Variants in USP34 observed in about 807,000 individuals in gnomAD.
The protein encoded by USP34 is ubiquitin specific peptidase 34, also known as ubiquitin carboxyl-terminal hydrolase 34.
A neutral mutation model predicts 460.3 loss-of-function variants in USP34; 70 were observed. The ratio of observed to expected loss-of-function variants is 0.15; its 90% CI spans 0.13 to 0.19. The LOEUF (loss-of-function observed/expected upper bound fraction) is 0.19, where lower values mean the gene tolerates loss of function less well. Ranked by LOEUF, USP34 falls within the 10% of genes least tolerant of loss-of-function variation. The pLI is 1.00. For synonymous variants in USP34, 1,647 were observed against 1,405.3 expected (o/e 1.17, Z -3.85); for missense variants, 3,985 against 4,236.2 (o/e 0.94, Z 1.65).
At chr2:61,209,690 TATC>T (rs1343751804) in intron 69 of USP34, among the ~76,000 whole-genome samples, 1 of 152,246 alleles carries the variant, frequency 6.6e-6, no homozygotes, top group Admixed American at 6.5e-5. Flanking sequence ...TTTACTATAT[TATC>T]ATTATTTTAC....
At chr2:61,383,377 T>TATTTCACATATTA in intron 5 of USP34, 41 bp from the exon 6 acceptor site, 8 of 1,411,442 alleles carry the variant, frequency 5.7e-6, no homozygotes, top group Non-Finnish European at 7.8e-6. Context: ...GCCTAATATG[T>TATTTCACATATTA]GAAATACATA....
intron 72 of USP34, 133 bp from the exon 73 acceptor site, chr2:61,204,734 G>T: frequency 1.5e-6 from 1 of 671,656 alleles, no homozygotes; most frequent in Non-Finnish European, 2.6e-6. Context: ...CCTGACACGA[G>T]TAGAAATTCT....
chr2:61,294,103 T>A (rs1453151150), intron 32 of USP34, among the ~76,000 whole-genome samples: 1 of 152,024 alleles, frequency 6.6e-6, no homozygotes, highest in Non-Finnish European at 1.5e-5. Flanking sequence ...CCCAGCACTT[T>A]GGGAGGCCGA....
At chr2:61,446,934 T>C (rs1326409235) in intron 1 of USP34, among the ~76,000 whole-genome samples, 5 of 152,102 alleles carry the variant, frequency 3.3e-5, no homozygotes, top group Admixed American at 2.6e-4. Flanking sequence ...CTTTCCAATG[T>C]TGACACATTT....
chr2:61,461,417 A>G (rs1695597397), intron 1 of USP34, among the ~76,000 whole-genome samples: 1 of 152,042 alleles, frequency 6.6e-6, no homozygotes, highest in African/African-American at 2.4e-5. Flanking sequence ...AAAAAACCCA[A>G]AACACTGAAA....
At chr2:61,353,165 T>C (rs1265017784) in intron 10 of USP34, among the ~76,000 whole-genome samples, 1 of 152,218 alleles carries the variant, frequency 6.6e-6, no homozygotes, top group African/African-American at 2.4e-5. Flanking sequence ...AAGGACCACG[T>C]CCCTGAACAT....
chr2:61,379,195 T>G (rs1377159444), intron 7 of USP34, among the ~76,000 whole-genome samples: 1 of 152,168 alleles, frequency 6.6e-6, no homozygotes, highest in Non-Finnish European at 1.5e-5. Context: ...ATTTTCAGTG[T>G]GACTACACTA....
intron 1 of USP34, among the ~76,000 whole-genome samples, chr2:61,461,317 T>C (rs1695593162): frequency 1.3e-5 from 2 of 151,276 alleles, no homozygotes; most frequent in Admixed American, 1.3e-4. Flanking sequence ...CACTTGAACC[T>C]GGGAGGCAGA....
In USP34 at chr2:61,301,076, G is replaced by C; in HGVS notation, c.4003C>G (p.Gln1335Glu). ...AAAAGCATTGGAATGTTGTCCTTCT[G>C]AGGGGGTGGGAGGCAAGATGCTGGC... ...QLPASCLPPP[Q>E]KDNIPMLLLL... The change falls in exon 29 of 80, where the codon CAG (glutamine) becomes GAG (glutamate). Residue 1335 changes from glutamine to glutamate, a missense_variant. Coordinates refer to ENST00000398571, the MANE Select transcript of USP34 (RefSeq NM_014709.4). 6.2e-7 allele frequency: 1 copy of C among 1,614,078 alleles called. No individual in the cohort carries two copies. The highest frequency in any genetic ancestry group is 8.5e-7 in the Non-Finnish European group (1 of 1,180,010).
intron 10 of USP34, among the ~76,000 whole-genome samples, chr2:61,360,114 A>G (rs1692229677): frequency 6.6e-6 from 1 of 151,974 alleles, no homozygotes. Flanking sequence ...ATCAGTAAGG[A>G]AAAACTGAAA....
chr2:61,471,070 A>C lies in USP34; in HGVS notation c.-378T>G. On this transcript the variant is annotated 5_prime_UTR_variant, in exon 1 of 80. Coordinates refer to ENST00000398571, the MANE Select transcript of USP34 (RefSeq NM_014709.4). Reference sequence around the variant, plus strand: ...CACCGCCGACGCCGCCGCCATTTTAACAGAGCGCTCGGGCTGCGCTCGGCT... The same window carrying C: ...CACCGCCGACGCCGCCGCCATTTTACCAGAGCGCTCGGGCTGCGCTCGGCT... 4.8e-6 allele frequency: 1 copy of C among 208,410 alleles called. No homozygotes were observed. Among genetic ancestry groups the C allele is most frequent in the East Asian group, 1.1e-4 (1 of 9,324 alleles). The allele number at this position is 208,410 out of a possible 1,614,324, so 12.9% of individuals were successfully genotyped here. A position where few individuals can be genotyped will look rare whatever the true frequency, so the allele number is the denominator to read the frequency against.
intron 2 of USP34, among the ~76,000 whole-genome samples, chr2:61,409,319 G>T (rs1374441486): frequency 1.3e-5 from 2 of 152,188 alleles, no homozygotes; most frequent in Non-Finnish European, 2.9e-5. Flanking sequence ...GGCTGAGGCA[G>T]GCAGATCATT....
intron 72 of USP34, 107 bp downstream of exon 72, chr2:61,205,910 A>G: frequency 1.2e-6 from 1 of 819,966 alleles, no homozygotes; most frequent in East Asian, 2.5e-5. Flanking sequence ...GTTACACATA[A>G]AAAGCACAAG....
chr2:61,358,911 G>T (rs1480470458), intron 10 of USP34, among the ~76,000 whole-genome samples: 1 of 152,130 alleles, frequency 6.6e-6, no homozygotes. Context: ...ACCAAAGAGG[G>T]TAAAGTTTTG....
intron 41 of USP34, among the ~76,000 whole-genome samples, chr2:61,269,984 T>C (rs1232134471): frequency 9.9e-5 from 15 of 152,220 alleles, no homozygotes; most frequent in Admixed American, 2.6e-4. Context: ...ATAGTCATCC[T>C]ACTATGCTAC....
At chr2:61,438,865 C>T (rs1489149457) in intron 1 of USP34, among the ~76,000 whole-genome samples, 1 of 152,142 alleles carries the variant, frequency 6.6e-6, no homozygotes, top group African/African-American at 2.4e-5. Context: ...ATGAAGAAGT[C>T]AAACTGTCCC....
At chr2:61,385,672 A>C (rs1427238961) in intron 5 of USP34, among the ~76,000 whole-genome samples, 2 of 33,322 alleles carry the variant, frequency 6.0e-5, no homozygotes, top group African/African-American at 1.2e-4. Context: ...ACTCTGTCTC[A>C]AAAAAAAAAA....
In USP34 at chr2:61,331,281, A is replaced by G. The variant is rs201719408; in HGVS notation, c.2925T>C (p.His975=). The stretch of plus-strand genomic sequence containing the variant: ...CCCAGTTGAGAGGTACTTACAGTGC[A>G]TGTTTTTGTCTTCCTTCTCTCACAG... ...IQTVREGRQK[H]ALYSHSAEVQ... is the part of the protein sequence containing the mutation. Residue 975 remains histidine (H), a synonymous_variant, in exon 20 of 80, where the codon CAT becomes CAC. Coordinates refer to ENST00000398571, the MANE Select transcript of USP34 (RefSeq NM_014709.4). 1.1e-5 allele frequency: 17 copies of G among 1,611,256 alleles called. No homozygotes were observed. Among genetic ancestry groups the G allele is most frequent in the Admixed American group, 1.7e-5 (1 of 59,834 alleles).
At chr2:61,230,472 C>T (rs1190833235) in intron 58 of USP34, among the ~76,000 whole-genome samples, 9 of 152,094 alleles carry the variant, frequency 5.9e-5, no homozygotes, top group East Asian at 3.9e-4. Context: ...TGCAGTGAGA[C>T]GTGATCACGC....
Sources: allele counts gnomAD v4.1 joint callset (sites outside exome capture counted in the v4.1 genomes callset), GRCh38; gene constraint gnomAD v4.1.1; transcripts MANE v1.5; gene names NCBI Gene and HGNC (gene_info 2026-07-23, HGNC 2026-07-21).